The following PEAR1 variants were observed in gnomAD, a reference collection of about 807,000 sequenced individuals.
The protein encoded by PEAR1 is platelet endothelial aggregation receptor 1, also known as multiple EGF-like domains protein 12.
Under a neutral mutation model 131.2 loss-of-function variants are expected in PEAR1, and 113 were observed. The ratio of observed to expected loss-of-function variants is 0.86; its 90% CI spans 0.74 to 1.01. PEAR1 has a LOEUF of 1.01. PEAR1 is among the 50% of genes least tolerant of loss of function. The pLI is 0.00. For missense variants in PEAR1, 1,408 were observed against 1,391.1 expected (o/e 1.01, Z -0.19); for synonymous variants, 565 against 523.3 (o/e 1.08, Z -1.09).
At position 156,912,805 on chromosome 1, in the gene PEAR1, C is replaced by A; in HGVS notation, c.2245C>A (p.Pro749Thr). Residue 749 changes from proline (P) to threonine (T), a missense_variant, in exon 18 of 23, where the codon CCA becomes ACA. By Grantham distance (38) the Pro-to-Thr change is conservative. Coordinates refer to ENST00000292357, the MANE Select transcript of PEAR1 (RefSeq NM_001080471.3). ...QEPFTVMPTTPVAYNSLGAVI... is the reference protein window; with the variant it reads ...QEPFTVMPTTTVAYNSLGAVI... Reference sequence around the variant, plus strand: ...GCCCTTTACTGTGATGCCGACCACTCCAGTAGCGTATAACTCGCTGGGTGC... The same window carrying A: ...GCCCTTTACTGTGATGCCGACCACTACAGTAGCGTATAACTCGCTGGGTGC... The A allele has an allele frequency of 2.5e-6, 4 of 1,614,248 alleles. No homozygotes were observed. The South Asian group carries it at 4.4e-5, about 18-fold the overall frequency.
In PEAR1 at chr1:156,910,340, C is replaced by A. The variant is rs774536391; in HGVS notation, c.1785C>A (p.Cys595Ter). The change falls in exon 14 of 23, where the codon TGC (cysteine) becomes TGA (stop). Residue 595 changes from cysteine to a stop codon, truncating the protein, a stop_gained. Transcript: ENST00000292357. LOFTEE classifies it high-confidence loss of function. ...CCTGTCTCCCTGAGAATGGCAACTG[C>A]GTGTGTGCACCCGGATTCCGGGGCC... is the stretch of plus-strand genomic sequence containing the variant. The part of the protein sequence containing the change: ...GGTCLPENGN[C>*]VCAPGFRGPS... 19 of 1,610,624 alleles carry A rather than the reference C, an allele frequency of 1.2e-5. 1 individual carries two copies. The South Asian group carries it at 1.4e-4, about 12-fold the overall frequency.
Position 156,914,250 on chromosome 1 carries a change from G to A in PEAR1, c.2962+150G>A, listed in dbSNP as rs370495660. 23 of 1,280,580 alleles carry A rather than the reference G, an allele frequency of 1.8e-5. No individual in the cohort carries two copies. The East Asian group carries it at 2.0e-4, about 11-fold the overall frequency. The allele number at this position is 1,280,580 out of a possible 1,614,324, so 79.3% of individuals were successfully genotyped here. On this transcript the variant is annotated intron_variant, in intron 22 of 22. Transcript: ENST00000292357. ...GCTTCGGGCTCAAATCAGGCATGAC[G>A]GGGAGGCGACGTGGCCTCTCAGAGC...
intron 2 of PEAR1, among the ~76,000 whole-genome samples, chr1:156,904,321 C>T (rs1020471639): frequency 2.6e-5 from 4 of 152,042 alleles, no homozygotes; most frequent in Admixed American, 1.3e-4. Context: ...GGGAGCCATT[C>T]GTTGTGGAGC....
intron 18 of PEAR1, 86 bp downstream of exon 18, chr1:156,913,068 T>C: frequency 6.3e-7 from 1 of 1,575,784 alleles, no homozygotes; most frequent in Admixed American, 1.7e-5. Context: ...AAAGGGAAGA[T>C]GAGGAGTGGG....
At chr1:156,913,587 G>A in intron 20 of PEAR1, 64 bp downstream of exon 20, 11 of 1,603,480 alleles carry the variant, frequency 6.9e-6, no homozygotes, top group South Asian at 2.2e-5. Flanking sequence ...TGCCGCGTCT[G>A]AGTGTGTGTG....
At position 156,902,592 on chromosome 1, in the gene PEAR1, T is replaced by C. The variant is rs1471459895; in HGVS notation, c.-9-1326T>C. ...AGAGTGGCTTTGGGGACCCTGGGAG[T>C]GTGTGGGTGTGGGGTGTGGGGTAGG... On this transcript the variant is annotated intron_variant, in intron 1 of 22. Transcript: ENST00000292357. This position sits in a 1 kb window ranked among gnomAD's most constrained non-coding sequence, Gnocchi z 4.3. Among the ~76,000 whole-genome samples the C allele has an allele frequency of 1.3e-5, 2 of 149,670 alleles. No homozygotes were observed. The highest frequency in any genetic ancestry group is 4.9e-5 in the African/African-American group (2 of 40,450).
chr1:156,897,109 C>T (rs1222782439), intron 1 of PEAR1, among the ~76,000 whole-genome samples: 1 of 152,186 alleles, frequency 6.6e-6, no homozygotes, highest in Non-Finnish European at 1.5e-5. Flanking sequence ...TCAGTCCATC[C>T]ACTCCACACA....
At chr1:156,899,130 C>A (rs1325617841) in intron 1 of PEAR1, among the ~76,000 whole-genome samples, 1 of 152,064 alleles carries the variant, frequency 6.6e-6, no homozygotes, top group African/African-American at 2.4e-5. Flanking sequence ...TGAGAGATGG[C>A]GGGGAGTGCT....
chr1:156,907,695 C>T lies in PEAR1; in HGVS notation c.730C>T (p.Pro244Ser), dbSNP rs748237522. The change falls in exon 7 of 23, where the codon CCA (proline) becomes TCA (serine). Residue 244 changes from proline (P) to serine (S), a missense_variant. By Grantham distance (74) the Pro-to-Ser change is moderately conservative. Transcript: ENST00000292357. ...SCQNGGVFQT[P>S]QGSCSCPPGW... ...CCAAAATGGAGGTGTCTTCCAAACC[C>T]CACAGGGCTCCTGCAGCTGCCCCCC... The T allele has an allele frequency of 1.9e-6, 3 of 1,613,576 alleles. No homozygotes were observed. The Admixed American group carries it at 5.0e-5, about 27-fold the overall frequency.
Position 156,907,995 on chromosome 1 carries a change from C to T in PEAR1, c.846C>T (p.Gly282=). The T allele has an allele frequency of 6.4e-7, 1 of 1,574,560 alleles. No individual in the cohort carries two copies. Among genetic ancestry groups the T allele is most frequent in the Admixed American group, 1.8e-5 (1 of 54,170 alleles). ...AGGAATGTCGCTGCCACAACGGCGG[C>T]CTCTGTGACCGATTCACTGGGCAGT... The part of the protein sequence containing the change: ...CSQECRCHNG[G]LCDRFTGQCR... The change falls in exon 8 of 23, where the codon GGC becomes GGT. Residue 282 remains glycine, a synonymous_variant. Transcript: ENST00000292357.
In PEAR1 at chr1:156,910,753, A is replaced by G; in HGVS notation, c.1951+10A>G. ...CCCGACTGCTCCCAGCGTATGTGGT[A>G]GCTTGTGTGTCTGAGCATACGTGCA... On this transcript the variant is annotated intron_variant, in intron 15 of 22. Coordinates refer to ENST00000292357, the MANE Select transcript of PEAR1 (RefSeq NM_001080471.3). 1 of 1,613,958 alleles carries G rather than the reference A, an allele frequency of 6.2e-7. No individual in the cohort carries two copies. The highest frequency in any genetic ancestry group is 8.5e-7 in the Non-Finnish European group (1 of 1,179,970).
chr1:156,905,382 C>T lies in PEAR1; in HGVS notation c.265C>T (p.Gln89Ter). ...GAAGACGGACCACCGCCAGCGCCTG[C>T]AGTGCTGCCATGGCTTCTATGAGAG... ...VVKTDHRQRL[Q>*]CCHGFYESRG... Residue 89 changes from glutamine (Q) to a stop codon, truncating the protein, a stop_gained, in exon 4 of 23, where the codon CAG (glutamine) becomes TAG (stop). Coordinates refer to ENST00000292357, the MANE Select transcript of PEAR1 (RefSeq NM_001080471.3). LOFTEE classifies it high-confidence loss of function. 6.2e-7 allele frequency: 1 copy of T among 1,610,546 alleles called. No homozygotes were observed. The highest frequency in any genetic ancestry group is 8.5e-7 in the Non-Finnish European group (1 of 1,178,350).
rs761979693 is a variant in PEAR1, at chr1:156,912,636, C to T, written c.2209+14C>T. The T allele has an allele frequency of 1.6e-5, 26 of 1,611,114 alleles. No homozygotes were observed. The highest frequency in any genetic ancestry group is 2.0e-5 in the Non-Finnish European group (24 of 1,178,258). ...CTTGCAGGATTGGTGAGTTCTTTGC[C>T]CTCTCCTTCCCACCCATTGTCCCCA... On this transcript the variant is annotated intron_variant, in intron 17 of 22. Transcript: ENST00000292357.
intron 15 of PEAR1, 126 bp downstream of exon 15, chr1:156,910,869 G>T: frequency 7.5e-7 from 1 of 1,340,588 alleles, no homozygotes. Context: ...AATATTTACT[G>T]GGCACCACCT....
Position 156,914,877 on chromosome 1 carries a change from T to C in PEAR1, c.*79T>C. 2 of 1,506,620 alleles carry C rather than the reference T, an allele frequency of 1.3e-6. No individual in the cohort carries two copies. The highest frequency in any genetic ancestry group is 1.8e-6 in the Non-Finnish European group (2 of 1,108,252). The allele number at this position is 1,506,620 out of a possible 1,614,324, so 93.3% of individuals were successfully genotyped here. A position where few individuals can be genotyped will look rare whatever the true frequency, so the allele number is the denominator to read the frequency against. ...CTGGGGACAGAGCCTAGTGTACCCC[T>C]GCCAGGAGCAGGGAGTGGACCGGCA... On this transcript the variant is annotated 3_prime_UTR_variant, in exon 23 of 23. Transcript: ENST00000292357.
At chr1:156,906,538 C>G (rs1650323138) in intron 5 of PEAR1, 99 bp from the exon 6 acceptor site, 1 of 1,563,572 alleles carries the variant, frequency 6.4e-7, no homozygotes, top group African/African-American at 1.4e-5. Flanking sequence ...ACAGGGTGGG[C>G]CTGTGGGGGC....
Position 156,909,851 on chromosome 1 carries a change from C to A in PEAR1, c.1512C>A (p.Pro504=). 6.2e-7 allele frequency: 1 copy of A among 1,613,892 alleles called. No homozygotes were observed. The highest frequency in any genetic ancestry group is 8.5e-7 in the Non-Finnish European group (1 of 1,179,852). ...CQCAHEAVCS[P]QTGACTCTPG... Reference sequence around the variant, plus strand: ...GTGCCCATGAGGCAGTCTGCAGCCCCCAAACTGGAGCCTGTACCTGCACCC... The same window carrying A: ...GTGCCCATGAGGCAGTCTGCAGCCCACAAACTGGAGCCTGTACCTGCACCC... Residue 504 remains proline (P), a synonymous_variant, in exon 12 of 23, where the codon CCC becomes CCA. Transcript: ENST00000292357.
At chr1:156,900,865 G>A (rs1044499718) in intron 1 of PEAR1, among the ~76,000 whole-genome samples, 20 of 152,142 alleles carry the variant, frequency 1.3e-4, no homozygotes, top group African/African-American at 4.3e-4. Flanking sequence ...ACCCCCTTGA[G>A]GGGTATATGC....
chr1:156,907,962 C>A lies in PEAR1; in HGVS notation c.813C>A (p.Asn271Lys), dbSNP rs368846340. The A allele has an allele frequency of 8.6e-5, 137 of 1,584,292 alleles. No homozygotes were observed. The highest frequency in any genetic ancestry group is 4.1e-4 in the South Asian group (36 of 87,846). Residue 271 changes from asparagine to lysine, a missense_variant, in exon 8 of 23, where the codon AAC (asparagine) becomes AAA (lysine). Coordinates refer to ENST00000292357, the MANE Select transcript of PEAR1 (RefSeq NM_001080471.3). ...GCCCAGAGGGCTTTCACGGACCCAA[C>A]TGCTCCCAGGAATGTCGCTGCCACA... Reference protein sequence around the residue: ...LPCPEGFHGPNCSQECRCHNG... With the variant: ...LPCPEGFHGPKCSQECRCHNG...
Sources: allele counts gnomAD v4.1 joint callset (sites outside exome capture counted in the v4.1 genomes callset), GRCh38; gene constraint gnomAD v4.1.1; non-coding constraint Gnocchi (gnomAD v3.1); transcripts MANE v1.5; gene names NCBI Gene and HGNC (gene_info 2026-07-23, HGNC 2026-07-21).